MAP2: variants seen among roughly 807,000 people sequenced by gnomAD.
MAP2 encodes the protein microtubule associated protein 2.
Under a neutral mutation model 137.6 loss-of-function variants are expected in MAP2, and 14 were observed. The ratio of observed to expected loss-of-function variants is 0.10; its 90% CI spans 0.07 to 0.16. The LOEUF is 0.16. MAP2 is among the 10% of genes least tolerant of loss of function. MAP2 has a pLI of 1.00. For missense variants in MAP2, 2,088 were observed against 2,191.5 expected, an observed-to-expected ratio of 0.95 and a Z score of 0.94; for synonymous variants, 786 against 782.3, an observed-to-expected ratio of 1.00 and a Z score of -0.08.
At chr2:209,670,322 G>A (rs1349836219) in intron 5 of MAP2, among the ~76,000 whole-genome samples, 6 of 151,914 alleles carry the variant, frequency 3.9e-5, no homozygotes, top group Non-Finnish European at 8.8e-5. Flanking sequence ...ACTTTAACTA[G>A]AACATGATAA....
intron 3 of MAP2, among the ~76,000 whole-genome samples, chr2:209,586,626 A>C (rs1431444051): frequency 6.6e-6 from 1 of 152,182 alleles, no homozygotes; most frequent in East Asian, 1.9e-4. Context: ...TAAAAGGGTA[A>C]GAGTAGATGC....
chr2:209,619,444 G>T (rs752200512), intron 3 of MAP2, among the ~76,000 whole-genome samples: 1 of 151,912 alleles, frequency 6.6e-6, no homozygotes, highest in Non-Finnish European at 1.5e-5. Flanking sequence ...TTGGTGTTTT[G>T]TATGCAACTT....
At chr2:209,570,847 T>C (rs1365866089) in intron 2 of MAP2, among the ~76,000 whole-genome samples, 2 of 151,936 alleles carry the variant, frequency 1.3e-5, no homozygotes, top group African/African-American at 4.8e-5. Flanking sequence ...TAATGGATTT[T>C]TGTGAAAAGG....
intron 1 of MAP2, among the ~76,000 whole-genome samples, chr2:209,496,047 CAG>C (rs1331052809): frequency 1.3e-5 from 2 of 152,166 alleles, no homozygotes; most frequent in African/African-American, 4.8e-5. Flanking sequence ...GCAAACATGT[CAG>C]AGTACAGAAC....
intron 7 of MAP2, among the ~76,000 whole-genome samples, chr2:209,689,696 GTTTTGAA>G (rs1355490599): frequency 7.9e-5 from 12 of 152,014 alleles, no homozygotes; most frequent in Non-Finnish European, 1.5e-5. Flanking sequence ...TGGTGATTTT[GTTTTGAA>G]TTACAGAAAT....
intron 1 of MAP2, among the ~76,000 whole-genome samples, chr2:209,485,162 A>C (rs1054381789): frequency 3.3e-5 from 5 of 152,216 alleles, no homozygotes; most frequent in African/African-American, 1.2e-4. Context: ...CCTTCTGTAC[A>C]GACTGATTCT....
chr2:209,455,021 G>A (rs73069096), intron 1 of MAP2, among the ~76,000 whole-genome samples: 14,399 of 152,166 alleles, frequency 0.095, 1,461 homozygotes, highest in African/African-American at 0.26. Context: ...GTGGAGAAAG[G>A]GGGAAAGCAA....
At chr2:209,630,033 G>T (rs1399346643) in intron 4 of MAP2, among the ~76,000 whole-genome samples, 1 of 152,168 alleles carries the variant, frequency 6.6e-6, no homozygotes, top group Non-Finnish European at 1.5e-5. Flanking sequence ...GATAGGAAAA[G>T]AAAACAAAAA....
At position 209,569,541 on chromosome 2, in the gene MAP2, A is replaced by T. The variant is rs1047892086; in HGVS notation, c.-171-10495A>T. On this transcript the variant is annotated intron_variant, in intron 2 of 15. Transcript: ENST00000682079. ...TAGAAGATGATAGCAAAATGGAGTA[A>T]GGGGGATTGGGAGTAGGAATTACAG... is the stretch of plus-strand genomic sequence containing the variant. 2.0e-5 allele frequency among the ~76,000 whole-genome samples: 3 copies of T among 151,916 alleles called. No individual in the cohort carries two copies. In the South Asian group the frequency reaches 6.2e-4, roughly 32 times the overall value.
At chr2:209,597,118 C>T (rs1033548715) in intron 3 of MAP2, among the ~76,000 whole-genome samples, 5 of 152,156 alleles carry the variant, frequency 3.3e-5, no homozygotes, top group Admixed American at 3.3e-4. Flanking sequence ...ACTTCTTCCT[C>T]CTTTCTTCTA....
intron 1 of MAP2, among the ~76,000 whole-genome samples, chr2:209,434,910 TATATATATG>T (rs1475997159): frequency 7.4e-6 from 1 of 135,106 alleles, no homozygotes; most frequent in Non-Finnish European, 1.5e-5. Context: ...ATATATATGT[TATATATATG>T]TTATATATAT....
intron 1 of MAP2, among the ~76,000 whole-genome samples, chr2:209,473,228 A>G (rs577407593): frequency 1.2e-3 from 187 of 152,270 alleles, no homozygotes; most frequent in Middle Eastern, 3.4e-3. Flanking sequence ...CACGTTTTAC[A>G]GTGATTGTCA....
chr2:209,632,837 C>T (rs2093217264), intron 4 of MAP2, among the ~76,000 whole-genome samples: 1 of 152,158 alleles, frequency 6.6e-6, no homozygotes, highest in African/African-American at 2.4e-5. Context: ...CACTCTTACT[C>T]TCTCAGCCCA....
chr2:209,705,935 T>C (rs1217507173), intron 12 of MAP2, among the ~76,000 whole-genome samples: 2 of 152,168 alleles, frequency 1.3e-5, no homozygotes, highest in African/African-American at 2.4e-5. Context: ...TGGTAACATA[T>C]TACCCTATTA....
At chr2:209,575,411 C>T (rs1436744930) in intron 2 of MAP2, among the ~76,000 whole-genome samples, 3 of 149,056 alleles carry the variant, frequency 2.0e-5, no homozygotes, top group Admixed American at 1.3e-4. Flanking sequence ...GTCCCAGCTA[C>T]TCGGGAGGCT....
intron 13 of MAP2, among the ~76,000 whole-genome samples, chr2:209,710,981 G>A (rs1376887385): frequency 6.6e-6 from 1 of 152,066 alleles, no homozygotes; most frequent in Non-Finnish European, 1.5e-5. Flanking sequence ...TACACTACAT[G>A]TTTGGACAAA....
chr2:209,634,850 A>G (rs752924614), intron 4 of MAP2, among the ~76,000 whole-genome samples: 3 of 152,190 alleles, frequency 2.0e-5, no homozygotes, highest in Non-Finnish European at 4.4e-5. Flanking sequence ...ACACTAGTTT[A>G]TCGAACTTAA....
chr2:209,526,894 A>G (rs1559278700), intron 2 of MAP2, among the ~76,000 whole-genome samples: 1 of 152,022 alleles, frequency 6.6e-6, no homozygotes. Context: ...CAGATCTATG[A>G]TGGAATATAG....
At chr2:209,657,085 A>G (rs1330543032) in intron 5 of MAP2, among the ~76,000 whole-genome samples, 1 of 152,136 alleles carries the variant, frequency 6.6e-6, no homozygotes, top group Non-Finnish European at 1.5e-5. Context: ...CGTTCCATCC[A>G]TGTTGCTGCA....
Sources: gnomAD v4.1 joint callset for allele counts (sites outside exome capture counted in the v4.1 genomes callset) on GRCh38, gnomAD v4.1.1 for gene constraint, MANE v1.5 for transcripts, NCBI Gene and HGNC (gene_info 2026-07-23, HGNC 2026-07-21) for gene names.